The following PIWIL1 variants were observed in gnomAD, a reference collection of about 807,000 sequenced individuals.
PIWIL1 encodes the protein piwi like RNA-mediated gene silencing 1, also known as piwi-like protein 1.
In PIWIL1, 73 loss-of-function variants were observed where a neutral mutation model predicts 114.4. That is an observed-to-expected ratio of 0.64 (90% CI 0.53 to 0.78). The LOEUF (loss-of-function observed/expected upper bound fraction) is 0.78. PIWIL1 is among the 30% of genes least tolerant of loss of function. The probability of loss-of-function intolerance (pLI) is 0.00; values close to 1 mark genes in which losing one functional copy is unlikely to be tolerated. For missense variants in PIWIL1, 723 were observed against 1,063.1 expected (o/e 0.68, Z 4.45); for synonymous variants, 375 against 369.0 (o/e 1.02, Z -0.19).
At position 130,343,092 on chromosome 12, in the gene PIWIL1, A is replaced by G; in HGVS notation, c.181A>G (p.Lys61Glu). 1.2e-6 allele frequency: 2 copies of G among 1,612,254 alleles called. No individual in the cohort carries two copies. The highest frequency in any genetic ancestry group is 1.7e-6 in the Non-Finnish European group (2 of 1,178,622). Residue 61 changes from lysine (K) to glutamate (E), a missense_variant, in exon 3 of 21, where the codon AAG becomes GAG. By Grantham distance (56) the Lys-to-Glu change is moderately conservative. This residue lies in a region of PIWIL1 where 190 missense variants were observed against 294.4 expected (regional missense o/e 0.65). Coordinates refer to ENST00000245255, the MANE Select transcript of PIWIL1 (RefSeq NM_004764.5). ...RQRGTAGGTA[K>E]SQGLQISAGF... The stretch of plus-strand genomic sequence containing the variant: ...GAGAGGAACAGCAGGAGGAACAGCC[A>G]AGTCACAAGGTGAAGAGAAAGTAAA...
intron 19 of PIWIL1, among the ~76,000 whole-genome samples, chr12:130,368,493 CT>C (rs1482955954): frequency 6.6e-6 from 1 of 151,992 alleles, no homozygotes; most frequent in African/African-American, 2.4e-5. Context: ...GGATTTCTGT[CT>C]TTTTCTCAGA....
In PIWIL1 at chr12:130,354,911, G is replaced by T; in HGVS notation, c.1195G>T (p.Asp399Tyr). ...LTGLTDKMRN[D>Y]FNVMKDLAVH... ...AGGTCTAACTGATAAAATGCGTAAT[G>T]ATTTTAACGTGATGAAAGACTTAGC... The change falls in exon 11 of 21, where the codon GAT (aspartate) becomes TAT (tyrosine). Residue 399 changes from aspartate (D) to tyrosine (Y), a missense_variant. Asp to Tyr is a radical substitution (Grantham distance 160). This residue lies in a region of PIWIL1 where 298 missense variants were observed against 420.8 expected (regional missense o/e 0.71). Transcript: ENST00000245255. 1 of 1,613,112 alleles carries T rather than the reference G, an allele frequency of 6.2e-7. No individual in the cohort carries two copies. The highest frequency in any genetic ancestry group is 8.5e-7 in the Non-Finnish European group (1 of 1,179,134).
At chr12:130,411,714 G>C in the PIWIL1 span, among the ~76,000 whole-genome samples, 244 of 152,220 alleles carry the variant, frequency 1.6e-3, 3 homozygotes, top group East Asian at 0.038. Context: ...AGGGGATAAA[G>C]GGCTCAAAGA....
intron 14 of PIWIL1, among the ~76,000 whole-genome samples, chr12:130,360,545 A>G (rs1430141868): frequency 1.3e-5 from 2 of 152,208 alleles, no homozygotes; most frequent in Admixed American, 6.5e-5. Context: ...AGGCAGGAGA[A>G]TCAGTTGAAC....
At chr12:130,399,061 G>A in the PIWIL1 span, 222 of 978,336 alleles carry the variant, frequency 2.3e-4, no homozygotes, top group East Asian at 5.4e-3. Context: ...ACACTGGCCC[G>A]GTTAAGGTAG....
At chr12:130,426,034 A>G in the PIWIL1 span, 1 of 152,336 alleles carries the variant, frequency 6.6e-6, no homozygotes, top group East Asian at 1.9e-4. Context: ...TGGAGCGAAT[A>G]AGGACATCGA....
downstream of PIWIL1, among the ~76,000 whole-genome samples, chr12:130,376,279 T>C (rs924831182): frequency 2.6e-5 from 4 of 152,234 alleles, no homozygotes; most frequent in African/African-American, 9.6e-5. Flanking sequence ...ATAATTACCA[T>C]ATTAAAAATT....
At chr12:130,338,754 G>A (rs2072796555) in intron 1 of PIWIL1, among the ~76,000 whole-genome samples, 1 of 137,448 alleles carries the variant, frequency 7.3e-6, no homozygotes, top group South Asian at 2.5e-4. Flanking sequence ...CAGGAGCCTG[G>A]GGTGCAGGGG....
chr12:130,392,476 G>T, the PIWIL1 span, among the ~76,000 whole-genome samples: 72 of 108,874 alleles, frequency 6.6e-4, 2 homozygotes, highest in East Asian at 2.2e-3. Flanking sequence ...ATGTTGTGAT[G>T]ACCCGGTCAC....
At chr12:130,375,612 C>T (rs543659061), downstream of PIWIL1, among the ~76,000 whole-genome samples, 31 of 152,292 alleles carry the variant, frequency 2.0e-4, no homozygotes, top group Non-Finnish European at 4.1e-4. Flanking sequence ...TTTGGAATCT[C>T]GTCTCTCCTT....
chr12:130,371,783 G>T lies in PIWIL1; in HGVS notation c.*185G>T. The T allele has an allele frequency of 5.3e-6, 2 of 377,206 alleles. No individual in the cohort carries two copies. Among genetic ancestry groups the T allele is most frequent in the East Asian group, 4.4e-5 (1 of 22,584 alleles). 23.4% of individuals were successfully genotyped at this position (377,206 alleles called of 1,614,324 possible). A position where few individuals can be genotyped will look rare whatever the true frequency, so the allele number is the denominator to read the frequency against. ...TCCTTATTTTATACGTAAAAATTAA[G>T]ATTTTATATTTTATCTTCTTGTTTC... On this transcript the variant is annotated 3_prime_UTR_variant, in exon 21 of 21. Transcript: ENST00000245255.
In PIWIL1 at chr12:130,354,575, C is replaced by T. The variant is rs1374637413; in HGVS notation, c.1083C>T (p.Val361=). 3 of 1,614,098 alleles carry T rather than the reference C, an allele frequency of 1.9e-6. No homozygotes were observed. Among genetic ancestry groups the T allele is most frequent in the Non-Finnish European group, 2.5e-6 (3 of 1,180,026 alleles). ...NQEITDLKQP[V]LVSQPKRRRG... Reference sequence around the variant, plus strand: ...AGATCACCGACTTGAAGCAGCCTGTCTTGGTCAGCCAGCCCAAGAGAAGGC... The same window carrying T: ...AGATCACCGACTTGAAGCAGCCTGTTTTGGTCAGCCAGCCCAAGAGAAGGC... The change falls in exon 10 of 21, where the codon GTC becomes GTT. Residue 361 remains valine, a synonymous_variant. Transcript: ENST00000245255.
the PIWIL1 span, among the ~76,000 whole-genome samples, chr12:130,422,104 C>T: frequency 2.0e-5 from 3 of 152,164 alleles, no homozygotes; most frequent in Non-Finnish European, 4.4e-5. This position sits in a 1 kb window ranked among gnomAD's most constrained non-coding sequence, Gnocchi z 5.2. Flanking sequence ...CGCTGACATC[C>T]AGCTTCTGCA....
chr12:130,426,041 T>C, the PIWIL1 span: 1 of 152,272 alleles, frequency 6.6e-6, no homozygotes, highest in Non-Finnish European at 1.5e-5. Context: ...AATAAGGACA[T>C]CGAAAACAAA....
Position 130,362,782 on chromosome 12 carries a change from A to G in PIWIL1, c.1987A>G (p.Ile663Val), listed in dbSNP as rs374602004. 5.0e-5 allele frequency: 81 copies of G among 1,614,042 alleles called. No individual in the cohort carries two copies. Among genetic ancestry groups the G allele is most frequent in the East Asian group, 1.3e-4 (6 of 44,896 alleles). Residue 663 changes from isoleucine (I) to valine (V), a missense_variant, in exon 17 of 21, where the codon ATA (isoleucine) becomes GTA (valine). By Grantham distance (29) the Ile-to-Val change is conservative. Around this residue, in one of 8 missense-constraint regions of PIWIL1, gnomAD observed 298 missense variants for 420.8 expected, o/e 0.71. Transcript: ENST00000245255. ...EGMTRWFSRC[I>V]FQDRGQELVD... ...TCTGAATAGCTGGTTCTCACGCTGC[A>G]TATTTCAGGATAGAGGACAGGAGCT...
intron 5 of PIWIL1, 144 bp from the exon 6 acceptor site, chr12:130,346,797 T>C: frequency 9.3e-7 from 1 of 1,075,796 alleles, no homozygotes; most frequent in Non-Finnish European, 1.3e-6. Flanking sequence ...ACTTAGCCAC[T>C]CTTTTTCTCA....
rs1347608085 is a variant in PIWIL1 at position 130,343,108 on chromosome 12, A to G, written c.190+7A>G. On this transcript the variant is annotated splice_region_variant and intron_variant, in intron 3 of 20. Transcript: ENST00000245255. Reference sequence around the variant, plus strand: ...GGAACAGCCAAGTCACAAGGTGAAGAGAAAGTAAAAGGAAGTCTTAACAAC... The same window carrying G: ...GGAACAGCCAAGTCACAAGGTGAAGGGAAAGTAAAAGGAAGTCTTAACAAC... 1 of 1,596,554 alleles carries G rather than the reference A, an allele frequency of 6.3e-7. No individual in the cohort carries two copies. Among genetic ancestry groups the G allele is most frequent in the Admixed American group, 1.7e-5 (1 of 58,932 alleles).
the PIWIL1 span, among the ~76,000 whole-genome samples, chr12:130,377,780 C>G: frequency 1.3e-5 from 2 of 152,228 alleles, no homozygotes; most frequent in Non-Finnish European, 2.9e-5. Context: ...TACCTTAGCA[C>G]AAGCGGGCAC....
At position 130,361,307 on chromosome 12, in the gene PIWIL1, T is replaced by A. The variant is rs780952458; in HGVS notation, c.1793T>A (p.Met598Lys). ...ACCTTAGGCAAACAGCAAACTGTCA[T>A]GGCCATTGCTACAAAGATTGCCCTA... ...ARTLGKQQTV[M>K]AIATKIALQM... Residue 598 changes from methionine (M) to lysine (K), a missense_variant, in exon 15 of 21, where the codon ATG (methionine) becomes AAG (lysine). By Grantham distance (95) the Met-to-Lys change is moderately conservative. Coordinates refer to ENST00000245255, the MANE Select transcript of PIWIL1 (RefSeq NM_004764.5). 4.3e-6 allele frequency: 7 copies of A among 1,614,208 alleles called. No individual in the cohort carries two copies. The highest frequency in any genetic ancestry group is 3.3e-5 in the Admixed American group (2 of 60,016).
Sources: allele counts gnomAD v4.1 joint callset (sites outside exome capture counted in the v4.1 genomes callset), GRCh38; gene constraint gnomAD v4.1.1; regional missense constraint gnomAD v4.1.1; non-coding constraint Gnocchi (gnomAD v3.1); transcripts MANE v1.5; gene names NCBI Gene and HGNC (gene_info 2026-07-23, HGNC 2026-07-21).